Variants in GTPBP10 observed in about 807,000 individuals in gnomAD.
GTPBP10 encodes the protein GTP-binding protein 10.
Under a neutral mutation model 44.8 loss-of-function variants are expected in GTPBP10, and 38 were observed. The ratio of observed to expected loss-of-function variants is 0.85; its 90% CI spans 0.65 to 1.11. The LOEUF (loss-of-function observed/expected upper bound fraction) is 1.11, where lower values mean the gene tolerates loss of function less well. Among genes scored for constraint, GTPBP10 ranks in the 50% most tolerant of loss-of-function variants. GTPBP10 has a pLI of 0.00. For missense variants in GTPBP10, 462 were observed against 453.7 expected (o/e 1.02, Z -0.17); for synonymous variants, 152 against 150.6 (o/e 1.01, Z -0.07).
At chr7:90,363,944 G>A (rs1001424938) in intron 4 of GTPBP10, among the ~76,000 whole-genome samples, 4 of 152,172 alleles carry the variant, frequency 2.6e-5, no homozygotes, top group African/African-American at 7.2e-5. Flanking sequence ...TGAAGCTTGT[G>A]CATTCGTCAC....
At chr7:90,362,469 C>T (rs183472946) in intron 4 of GTPBP10, among the ~76,000 whole-genome samples, 7 of 152,294 alleles carry the variant, frequency 4.6e-5, no homozygotes, top group Admixed American at 2.6e-4. Context: ...ATCCTGAGTT[C>T]CAATTTGATT....
chr7:90,368,296 T>TG (rs1358709071), intron 4 of GTPBP10, among the ~76,000 whole-genome samples: 2 of 152,206 alleles, frequency 1.3e-5, no homozygotes, highest in African/African-American at 4.8e-5. Context: ...TTTGTGGTGT[T>TG]CTCCGTATTT....
intron 5 of GTPBP10, 25 bp downstream of exon 5, chr7:90,372,253 T>G: frequency 7.1e-7 from 1 of 1,405,436 alleles, no homozygotes. Context: ...ATTGTACATT[T>G]TAATGAGTGG....
At chr7:90,372,044 A>G in intron 4 of GTPBP10, 111 bp from the exon 5 acceptor site, 1 of 628,008 alleles carries the variant, frequency 1.6e-6, no homozygotes, top group Non-Finnish European at 2.7e-6. Context: ...TTTATAATAC[A>G]TTTATATTCT....
At chr7:90,384,596 C>G (rs1022273506) in intron 9 of GTPBP10, among the ~76,000 whole-genome samples, 6 of 150,278 alleles carry the variant, frequency 4.0e-5, no homozygotes, top group Admixed American at 2.0e-4. Flanking sequence ...CTTATTTAAC[C>G]CCCCCCACAC....
At chr7:90,383,136 ATGCTG>A in intron 9 of GTPBP10, 57 bp downstream of exon 9, 1 of 1,313,862 alleles carries the variant, frequency 7.6e-7, no homozygotes, top group South Asian at 1.9e-5. Flanking sequence ...TGTACAGAGA[ATGCTG>A]TTATAATCAG....
In GTPBP10 at chr7:90,385,235, A is replaced by T. The variant is rs968803078; in HGVS notation, c.*81A>T. The T allele has an allele frequency of 1.0e-6, 1 of 999,282 alleles. No homozygotes were observed. The highest frequency in any genetic ancestry group is 1.6e-5 in the African/African-American group (1 of 60,794). The allele number at this position is 999,282 out of a possible 1,614,324, so 61.9% of individuals were successfully genotyped here. On this transcript the variant is annotated 3_prime_UTR_variant, in exon 10 of 10. Transcript: ENST00000222511. ...CCTTTCATCTGTGACAACCTGGAGG[A>T]CATGTTAAGTAAAATAAGCCAGGCT...
intron 2 of GTPBP10, among the ~76,000 whole-genome samples, chr7:90,353,818 T>C (rs77195912): frequency 2.4e-5 from 3 of 123,882 alleles, no homozygotes; most frequent in African/African-American, 9.4e-5. Flanking sequence ...TTTTTTTTTT[T>C]ATAGATTCAT....
chr7:90,368,815 C>T (rs1255343285), intron 4 of GTPBP10, among the ~76,000 whole-genome samples: 1 of 152,228 alleles, frequency 6.6e-6, no homozygotes, highest in African/African-American at 2.4e-5. Context: ...ACTCATTCTC[C>T]ATCCAGTTTT....
intron 1 of GTPBP10, among the ~76,000 whole-genome samples, chr7:90,351,931 C>T (rs966776152): frequency 1.3e-5 from 2 of 152,148 alleles, no homozygotes; most frequent in Non-Finnish European, 2.9e-5. Context: ...CTCCTGAACT[C>T]GTGATCCGCC....
intron 2 of GTPBP10, 74 bp downstream of exon 2, chr7:90,353,083 A>T: frequency 1.0e-6 from 1 of 959,596 alleles, no homozygotes; most frequent in East Asian, 2.7e-5. Flanking sequence ...GTTACAAAAT[A>T]AAAACTTAAT....
intron 4 of GTPBP10, among the ~76,000 whole-genome samples, chr7:90,366,095 T>G (rs1796128844): frequency 6.6e-6 from 1 of 152,240 alleles, no homozygotes; most frequent in Non-Finnish European, 1.5e-5. Context: ...GAACCAGCCT[T>G]GCATCCCAAG....
At chr7:90,357,647 C>T (rs756544286) in intron 4 of GTPBP10, among the ~76,000 whole-genome samples, 13 of 152,048 alleles carry the variant, frequency 8.5e-5, no homozygotes, top group South Asian at 2.1e-4. Flanking sequence ...TCTGTGAAGG[C>T]GGGAATCATT....
Position 90,352,881 on chromosome 7 carries a change from T to C in GTPBP10, c.99T>C (p.Pro33=), listed in dbSNP as rs201815769. The C allele has an allele frequency of 8.7e-6, 14 of 1,613,836 alleles. No individual in the cohort carries two copies. Among genetic ancestry groups the C allele is most frequent in the South Asian group, 1.1e-5 (1 of 91,070 alleles). The change falls in exon 2 of 10, where the codon CCT becomes CCC. Residue 33 remains proline (P), a synonymous_variant. Transcript: ENST00000222511. ...GAGGATCCGGTGGAATGGGTTATCC[T>C]CGTTTAGGTGGAGAAGGTGGAAAAG... ...TRGGSGGMGY[P]RLGGEGGKGG... is the part of the protein sequence containing the mutation.
chr7:90,368,642 G>A (rs1233935609), intron 4 of GTPBP10, among the ~76,000 whole-genome samples: 1 of 152,192 alleles, frequency 6.6e-6, no homozygotes, highest in Non-Finnish European at 1.5e-5. Flanking sequence ...TGAACTCCAT[G>A]AGGTCATTTA....
At chr7:90,353,084 A>G in intron 2 of GTPBP10, 75 bp downstream of exon 2, 1 of 936,910 alleles carries the variant, frequency 1.1e-6, no homozygotes, top group Non-Finnish European at 1.6e-6. Context: ...TTACAAAATA[A>G]AAACTTAATT....
chr7:90,367,416 A>G (rs1796156548), intron 4 of GTPBP10, among the ~76,000 whole-genome samples: 2 of 152,114 alleles, frequency 1.3e-5, no homozygotes, highest in African/African-American at 4.8e-5. Context: ...TGGGAGTCTA[A>G]GTCTCTTTGT....
At chr7:90,374,484 G>T in intron 6 of GTPBP10, 130 bp downstream of exon 6, 1 of 614,398 alleles carries the variant, frequency 1.6e-6, no homozygotes, top group Admixed American at 3.0e-5. Context: ...TTTTGTTTAT[G>T]CTAAGTGAAA....
intron 4 of GTPBP10, among the ~76,000 whole-genome samples, chr7:90,371,899 T>G (rs567499878): frequency 2.7e-4 from 41 of 152,270 alleles, no homozygotes; most frequent in African/African-American, 9.9e-4. Flanking sequence ...TTCTATGACT[T>G]CCAATGGGTT....
Sources: allele counts gnomAD v4.1 joint callset (sites outside exome capture counted in the v4.1 genomes callset), GRCh38; gene constraint gnomAD v4.1.1; transcripts MANE v1.5; gene names NCBI Gene and HGNC (gene_info 2026-07-23, HGNC 2026-07-21).